CRIM1: variants seen among roughly 807,000 people sequenced by gnomAD.
CRIM1 encodes cysteine-rich motor neuron 1 protein.
Under a neutral mutation model 116.4 loss-of-function variants are expected in CRIM1, and 32 were observed. The observed-to-expected ratio is 0.27, with a 90% CI of 0.21 to 0.37. CRIM1 has a LOEUF of 0.37. CRIM1 is among the 10% of genes least tolerant of loss of function. CRIM1 has a pLI of 1.00. For synonymous variants in CRIM1, 590 were observed against 509.2 expected (o/e 1.16, Z -2.13); for missense variants, 1,331 against 1,354.8 (o/e 0.98, Z 0.28).
intron 13 of CRIM1, 33 bp downstream of exon 13, chr2:36,522,346 T>A: frequency 1.3e-6 from 2 of 1,502,710 alleles, no homozygotes; most frequent in Non-Finnish European, 1.9e-6. Flanking sequence ...CCCTCATCTC[T>A]ACCAGTTGTC....
Position 36,442,636 on chromosome 2 carries a change from C to G in CRIM1, c.770C>G (p.Thr257Ser). The change falls in exon 4 of 17, where the codon ACT becomes AGT. Residue 257 changes from threonine to serine, a missense_variant. Physicochemically the swap from Thr to Ser is moderately conservative, Grantham distance 58. Transcript: ENST00000280527. ...CKPVFGVDCR[T>S]VECPPVQQTA... Reference sequence around the variant, plus strand: ...TCAGTTTTCGGCGTGGACTGCAGGACTGTGGAATGCCCTCCTGTTCAGCAG... The same window carrying G: ...TCAGTTTTCGGCGTGGACTGCAGGAGTGTGGAATGCCCTCCTGTTCAGCAG... 1 of 1,614,136 alleles carries G rather than the reference C, an allele frequency of 6.2e-7. No individual in the cohort carries two copies. Among genetic ancestry groups the G allele is most frequent in the East Asian group, 2.2e-5 (1 of 44,882 alleles).
At chr2:36,515,805 G>A (rs988261354) in intron 11 of CRIM1, among the ~76,000 whole-genome samples, 1 of 152,232 alleles carries the variant, frequency 6.6e-6, no homozygotes, top group African/African-American at 2.4e-5. Context: ...GTACATGTCA[G>A]CATTTAACAA....
chr2:36,388,770 CATGAAA>C (rs1671359826), intron 1 of CRIM1, among the ~76,000 whole-genome samples: 1 of 34,538 alleles, frequency 2.9e-5, no homozygotes, highest in Non-Finnish European at 5.3e-5. Context: ...TTTCTTGTTT[CATGAAA>C]CATGAAACAT....
intron 1 of CRIM1, among the ~76,000 whole-genome samples, chr2:36,394,006 G>A (rs1264770471): frequency 6.6e-6 from 1 of 152,162 alleles, no homozygotes. Context: ...GGAATGAGGT[G>A]GAGAGACAAG....
intron 1 of CRIM1, among the ~76,000 whole-genome samples, chr2:36,384,789 G>A (rs538652827): frequency 1.3e-5 from 2 of 152,254 alleles, no homozygotes; most frequent in African/African-American, 2.4e-5. Context: ...CCTGTGTTGC[G>A]AGATTTCTTA....
intron 2 of CRIM1, among the ~76,000 whole-genome samples, chr2:36,434,967 A>G (rs1238316044): frequency 6.6e-6 from 1 of 152,090 alleles, no homozygotes; most frequent in Non-Finnish European, 1.5e-5. Context: ...CTGGTGACAC[A>G]TGGCACCCGT....
intron 2 of CRIM1, among the ~76,000 whole-genome samples, chr2:36,403,189 T>G (rs1413434737): frequency 6.6e-6 from 1 of 152,220 alleles, no homozygotes; most frequent in African/African-American, 2.4e-5. Context: ...TGGGTTAGAT[T>G]GGTGTAGAAT....
intron 4 of CRIM1, 117 bp from the exon 5 acceptor site, chr2:36,464,416 AG>A: frequency 2.0e-6 from 2 of 982,264 alleles, no homozygotes; most frequent in Non-Finnish European, 3.1e-6. Context: ...CAGATAAAGG[AG>A]GCAGTGTCGT....
intron 2 of CRIM1, among the ~76,000 whole-genome samples, chr2:36,407,160 CTGTT>C (rs377462774): frequency 1.1e-3 from 170 of 152,286 alleles, no homozygotes; most frequent in African/African-American, 3.9e-3. Flanking sequence ...TTATCCCACT[CTGTT>C]TGTAAAGACA....
At position 36,356,876 on chromosome 2, in the gene CRIM1, C is replaced by A. The variant is rs898405866; in HGVS notation, c.331+253C>A. Among the ~76,000 whole-genome samples, 7 of 152,278 alleles carry A rather than the reference C, an allele frequency of 4.6e-5. No individual in the cohort carries two copies. The highest frequency in any genetic ancestry group is 1.3e-4 in the Admixed American group (2 of 15,308). ...GAGCGAGTGGAGGATCGCCCCTGTC[C>A]CCGCGCAGACGCGCACACGTGTGGC... On this transcript the variant is annotated intron_variant, in intron 1 of 16. Coordinates refer to ENST00000280527, the MANE Select transcript of CRIM1 (RefSeq NM_016441.3). This position sits in a 1 kb window ranked among gnomAD's most constrained non-coding sequence, Gnocchi z 4.3.
At chr2:36,525,570 G>A (rs1665701655) in intron 13 of CRIM1, among the ~76,000 whole-genome samples, 1 of 152,188 alleles carries the variant, frequency 6.6e-6, no homozygotes, top group African/African-American at 2.4e-5. Flanking sequence ...TTTCCAGTGG[G>A]CACCAAAGAC....
At chr2:36,370,605 AAAT>A (rs1669879537) in intron 1 of CRIM1, among the ~76,000 whole-genome samples, 1 of 152,222 alleles carries the variant, frequency 6.6e-6, no homozygotes, top group African/African-American at 2.4e-5. Context: ...TTGGCACTGA[AAAT>A]AATCCAGGTT....
At chr2:36,506,343 C>T (rs1681420859) in intron 8 of CRIM1, among the ~76,000 whole-genome samples, 1 of 152,000 alleles carries the variant, frequency 6.6e-6, no homozygotes, top group South Asian at 2.1e-4. Context: ...TGGCCCCAAC[C>T]GAGAACTGGT....
chr2:36,483,335 T>C (rs1029957451), intron 7 of CRIM1, among the ~76,000 whole-genome samples: 2 of 152,218 alleles, frequency 1.3e-5, no homozygotes, highest in Non-Finnish European at 2.9e-5. Flanking sequence ...GAATTAGGTC[T>C]TCATCTGCAG....
chr2:36,540,889 A>ATC (rs1666898251), intron 14 of CRIM1, among the ~76,000 whole-genome samples: 1 of 152,214 alleles, frequency 6.6e-6, no homozygotes, highest in South Asian at 2.1e-4. Flanking sequence ...GAGTTTGATA[A>ATC]GAGAGAGTAC....
At chr2:36,394,483 G>C (rs1005946289) in intron 1 of CRIM1, among the ~76,000 whole-genome samples, 2 of 151,868 alleles carry the variant, frequency 1.3e-5, no homozygotes, top group Admixed American at 6.6e-5. Context: ...TCAATATGGT[G>C]TTTTTCTTCT....
intron 2 of CRIM1, among the ~76,000 whole-genome samples, chr2:36,413,756 C>A (rs1307180096): frequency 1.3e-5 from 2 of 152,202 alleles, no homozygotes; most frequent in African/African-American, 2.4e-5. Context: ...TCTGAATTTT[C>A]AGCTGGCTAA....
At chr2:36,513,912 A>T (rs997427304) in intron 11 of CRIM1, 147 bp downstream of exon 11, 2 of 664,158 alleles carry the variant, frequency 3.0e-6, no homozygotes, top group African/African-American at 1.8e-5. Flanking sequence ...AACCACCACC[A>T]CAGAATCATC....
At chr2:36,544,704 C>T (rs1384102522) in intron 15 of CRIM1, among the ~76,000 whole-genome samples, 1 of 152,198 alleles carries the variant, frequency 6.6e-6, no homozygotes, top group Admixed American at 6.5e-5. Context: ...GATTAAATGC[C>T]TCCTTCCTGG....
Sources: allele counts gnomAD v4.1 joint callset (sites outside exome capture counted in the v4.1 genomes callset), GRCh38; gene constraint gnomAD v4.1.1; non-coding constraint Gnocchi (gnomAD v3.1); transcripts MANE v1.5; gene names NCBI Gene and HGNC (gene_info 2026-07-23, HGNC 2026-07-21).